Variants in LRRC18 observed in about 807,000 individuals in gnomAD.
LRRC18 encodes leucine-rich repeat-containing protein 18.
In LRRC18, 12 loss-of-function variants were observed where a neutral mutation model predicts 11.2. That is an observed-to-expected ratio of 1.07 (90% CI 0.69 to 1.74). LRRC18 has a LOEUF of 1.74. Ranked by LOEUF, LRRC18 falls within the 40% of genes most tolerant of loss-of-function variation. The probability of loss-of-function intolerance (pLI) is 0.00; values close to 1 mark genes in which losing one functional copy is unlikely to be tolerated. For synonymous variants in LRRC18, 155 were observed against 130.6 expected, an observed-to-expected ratio of 1.19 and a Z score of -1.27; for missense variants, 374 against 330.5, an observed-to-expected ratio of 1.13 and a Z score of -1.02.
At chr10:48,917,462 T>C (rs1046969533), upstream of LRRC18, among the ~76,000 whole-genome samples, 7 of 152,158 alleles carry the variant, frequency 4.6e-5, no homozygotes, top group African/African-American at 1.7e-4. Context: ...ATAATCAAAC[T>C]GCTCCAAATT....
upstream of LRRC18, among the ~76,000 whole-genome samples, chr10:48,915,224 G>A (rs1838404555): frequency 6.6e-6 from 1 of 152,138 alleles, no homozygotes; most frequent in African/African-American, 2.4e-5. Flanking sequence ...CTTGATTAAT[G>A]TTAGTTATTA....
chr10:48,938,288 G>A, the LRRC18 span, among the ~76,000 whole-genome samples: 7 of 152,240 alleles, frequency 4.6e-5, no homozygotes, highest in Admixed American at 1.3e-4. Flanking sequence ...CAGGCCCTCT[G>A]TAGTTGTCTG....
the LRRC18 span, among the ~76,000 whole-genome samples, chr10:48,939,162 G>A: frequency 6.4e-4 from 98 of 152,178 alleles, no homozygotes; most frequent in African/African-American, 2.2e-3. Flanking sequence ...AGGGGGACTG[G>A]CAGAGCCAAG....
At chr10:48,910,872 C>T in intron 1 of LRRC18, 1 of 983,488 alleles carries the variant, frequency 1.0e-6, no homozygotes. Flanking sequence ...CCAGCAAACC[C>T]TGGGCACCAG....
the LRRC18 span, among the ~76,000 whole-genome samples, chr10:48,930,071 A>G: frequency 6.6e-6 from 1 of 151,306 alleles, no homozygotes; most frequent in African/African-American, 2.4e-5. Flanking sequence ...TCACTTGTCC[A>G]TTTCAGTTCC....
chr10:48,927,161 A>T, the LRRC18 span, among the ~76,000 whole-genome samples: 1 of 152,116 alleles, frequency 6.6e-6, no homozygotes, highest in East Asian at 1.9e-4. Context: ...ACCTCTCGTT[A>T]AGTACTTCTG....
intron 1 of LRRC18, among the ~76,000 whole-genome samples, chr10:48,911,337 G>A (rs957906122): frequency 1.3e-5 from 2 of 152,302 alleles, no homozygotes; most frequent in African/African-American, 4.8e-5. Flanking sequence ...AGGCGTATGT[G>A]TGTAAACCTT....
the LRRC18 span, among the ~76,000 whole-genome samples, chr10:48,928,979 G>A: frequency 6.6e-6 from 1 of 152,176 alleles, no homozygotes; most frequent in Non-Finnish European, 1.5e-5. Flanking sequence ...CAAAAATAAG[G>A]TGTAATGACA....
exon 1 of LRRC18, chr10:48,913,679 G>T (rs1838224373): frequency 6.2e-7 from 1 of 1,613,438 alleles, no homozygotes; most frequent in Non-Finnish European, 8.5e-7. Flanking sequence ...TGCTCACGGG[G>T]ATGTTGTTCA....
At chr10:48,921,396 G>T in the LRRC18 span, among the ~76,000 whole-genome samples, 7 of 152,268 alleles carry the variant, frequency 4.6e-5, no homozygotes, top group East Asian at 5.8e-4. Flanking sequence ...AACAAACGAT[G>T]TTGAAATTGG....
At chr10:48,921,263 G>T in the LRRC18 span, among the ~76,000 whole-genome samples, 1 of 152,236 alleles carries the variant, frequency 6.6e-6, no homozygotes, top group South Asian at 2.1e-4. Context: ...GATGGGACAG[G>T]TAGATAGGTC....
the LRRC18 span, among the ~76,000 whole-genome samples, chr10:48,933,492 A>T: frequency 2.0e-5 from 3 of 152,132 alleles, no homozygotes; most frequent in African/African-American, 7.2e-5. Flanking sequence ...TCTCTTGGCC[A>T]CCCAGGAAGC....
At chr10:48,934,004 G>T in the LRRC18 span, among the ~76,000 whole-genome samples, 1 of 152,050 alleles carries the variant, frequency 6.6e-6, no homozygotes, top group African/African-American at 2.4e-5. Context: ...GGCCCTGCAG[G>T]GTGGACAGCA....
At chr10:48,913,559 A>G (rs778157961) in exon 1 of LRRC18, 2 of 1,614,026 alleles carry the variant, frequency 1.2e-6, no homozygotes, top group South Asian at 1.1e-5. Context: ...CCTCCACAAC[A>G]TACAAGTTCT....
the LRRC18 span, among the ~76,000 whole-genome samples, chr10:48,931,164 G>A: frequency 6.6e-6 from 1 of 152,102 alleles, no homozygotes; most frequent in Non-Finnish European, 1.5e-5. Flanking sequence ...AGGACAGGGT[G>A]GTGGTGGGAG....
At chr10:48,930,697 A>AT in the LRRC18 span, among the ~76,000 whole-genome samples, 3 of 152,240 alleles carry the variant, frequency 2.0e-5, no homozygotes, top group African/African-American at 7.2e-5. Context: ...GTAAAAAAAA[A>AT]TTAGAAACAA....
upstream of LRRC18, among the ~76,000 whole-genome samples, chr10:48,918,267 C>A (rs1838733159): frequency 6.6e-6 from 1 of 151,936 alleles, no homozygotes; most frequent in African/African-American, 2.4e-5. Context: ...CCTACATGCT[C>A]CAATTAAAAG....
At chr10:48,919,743 T>G in the LRRC18 span, among the ~76,000 whole-genome samples, 2 of 152,226 alleles carry the variant, frequency 1.3e-5, no homozygotes, top group African/African-American at 2.4e-5. Context: ...AATTTCCTCA[T>G]GATCTAAATG....
chr10:48,938,169 A>G, the LRRC18 span, among the ~76,000 whole-genome samples: 3 of 152,282 alleles, frequency 2.0e-5, no homozygotes, highest in South Asian at 4.1e-4. Context: ...CCATTTTACC[A>G]TGTCCTCAAA....
Sources: allele counts gnomAD v4.1 joint callset (sites outside exome capture counted in the v4.1 genomes callset), GRCh38; gene constraint gnomAD v4.1.1; transcripts MANE v1.5; gene names NCBI Gene and HGNC (gene_info 2026-07-23, HGNC 2026-07-21).